TUB: variants seen among roughly 807,000 people sequenced by gnomAD.
The protein encoded by TUB is TUB bipartite transcription factor, also known as tubby protein homolog.
Under a neutral mutation model 59.7 loss-of-function variants are expected in TUB, and 33 were observed. The observed-to-expected ratio is 0.55, with a 90% CI of 0.42 to 0.74. The LOEUF is 0.74. Ranked by LOEUF, TUB falls within the 30% of genes least tolerant of loss-of-function variation. TUB has a pLI of 0.00. For synonymous variants in TUB, 293 were observed against 256.4 expected, an observed-to-expected ratio of 1.14 and a Z score of -1.36; for missense variants, 659 against 672.0, an observed-to-expected ratio of 0.98 and a Z score of 0.21.
rs1944040575 is a variant in TUB at position 8,097,311 on chromosome 11, G to A, written c.771G>A (p.Arg257=). The part of the protein sequence containing the change: ...EVQDLEEFAL[R]PAPQGITIKC... ...AGGATCTTGAGGAGTTTGCACTGAG[G>A]CCGGCCCCCCAGGGTATCACCATCA... The change falls in exon 7 of 12, where the codon AGG becomes AGA. Residue 257 remains arginine, a synonymous_variant. Transcript: ENST00000299506. 1 of 1,614,168 alleles carries A rather than the reference G, an allele frequency of 6.2e-7. No homozygotes were observed. Among genetic ancestry groups the A allele is most frequent in the South Asian group, 1.1e-5 (1 of 91,084 alleles).
chr11:8,100,033 C>T (rs1319392510), intron 9 of TUB, among the ~76,000 whole-genome samples: 1 of 152,152 alleles, frequency 6.6e-6, no homozygotes, highest in Non-Finnish European at 1.5e-5. Flanking sequence ...TGTGCCTGAG[C>T]ACTGGCTGCT....
At chr11:8,049,380 G>A (rs1003971898) in intron 2 of TUB, among the ~76,000 whole-genome samples, 11 of 152,076 alleles carry the variant, frequency 7.2e-5, no homozygotes, top group Admixed American at 2.6e-4. Flanking sequence ...GTCATTGAGA[G>A]TAGGGCCCAA....
chr11:8,026,900 ATATATT>A (rs1469583382), intron 1 of TUB, among the ~76,000 whole-genome samples: 1 of 152,144 alleles, frequency 6.6e-6, no homozygotes, highest in East Asian at 1.9e-4. Flanking sequence ...CATGGTATCT[ATATATT>A]TATATCTGTT....
intron 7 of TUB, 93 bp from the exon 8 acceptor site, chr11:8,097,621 T>A: frequency 2.3e-6 from 3 of 1,329,032 alleles, no homozygotes; most frequent in Non-Finnish European, 3.2e-6. Context: ...GTTTGGGAGC[T>A]GACGCAACGG....
In TUB at chr11:8,103,520, C is replaced by T. The variant is rs1181615945; in HGVS notation, c.*1901C>T. The T allele has an allele frequency of 6.6e-6, 1 of 152,590 alleles. No homozygotes were observed. Among genetic ancestry groups the T allele is most frequent in the African/African-American group, 2.4e-5 (1 of 41,422 alleles). 9.5% of individuals were successfully genotyped at this position (152,590 alleles called of 1,614,324 possible). A position where few individuals can be genotyped will look rare whatever the true frequency, so the allele number is the denominator to read the frequency against. On this transcript the variant is annotated 3_prime_UTR_variant, in exon 12 of 12. Transcript: ENST00000299506. ...ATTTTCCTATGTTGAATGCTTAAAG[C>T]AAGGCATACCTGTCCTAGCAGGATC...
At chr11:8,099,302 C>T (rs1006964727) in intron 9 of TUB, among the ~76,000 whole-genome samples, 1 of 152,138 alleles carries the variant, frequency 6.6e-6, no homozygotes, top group African/African-American at 2.4e-5. Flanking sequence ...GAAACTGAAG[C>T]TCAGCTGCAG....
Position 8,101,846 on chromosome 11 carries a change from T to C in TUB, c.*227T>C, listed in dbSNP as rs1944322035. 1 of 503,056 alleles carries C rather than the reference T, an allele frequency of 2.0e-6. No individual in the cohort carries two copies. Among genetic ancestry groups the C allele is most frequent in the South Asian group, 3.5e-5 (1 of 28,570 alleles). 31.2% of individuals were successfully genotyped at this position (503,056 alleles called of 1,614,324 possible). On this transcript the variant is annotated 3_prime_UTR_variant, in exon 12 of 12. Transcript: ENST00000299506. ...GGTGGGTGTGAAGGGATGAGAATAA[T>C]TCTTTCCATGCCACGAGATCAACAC...
At chr11:8,023,229 G>C (rs1245222566) in intron 1 of TUB, among the ~76,000 whole-genome samples, 3 of 152,180 alleles carry the variant, frequency 2.0e-5, no homozygotes, top group Non-Finnish European at 4.4e-5. Flanking sequence ...TTTAGAACTT[G>C]CACATCACTC....
At chr11:8,019,780 CT>C (rs1942392893) in intron 1 of TUB, among the ~76,000 whole-genome samples, 1 of 151,770 alleles carries the variant, frequency 6.6e-6, no homozygotes, top group Non-Finnish European at 1.5e-5. Flanking sequence ...CCGCCGGCGT[CT>C]GCGCCCCGCC....
At chr11:8,066,706 C>T (rs561745680) in intron 2 of TUB, among the ~76,000 whole-genome samples, 28 of 152,294 alleles carry the variant, frequency 1.8e-4, no homozygotes, top group African/African-American at 5.5e-4. Context: ...ACTCCTCCTG[C>T]CCTCTTCAGA....
chr11:8,042,560 C>A (rs1193840289), intron 2 of TUB, among the ~76,000 whole-genome samples: 1 of 152,196 alleles, frequency 6.6e-6, no homozygotes, highest in East Asian at 1.9e-4. Flanking sequence ...TTTTACATCC[C>A]CACCAGTAGT....
intron 2 of TUB, among the ~76,000 whole-genome samples, chr11:8,059,695 G>A (rs919220680): frequency 2.0e-5 from 3 of 152,204 alleles, no homozygotes; most frequent in Admixed American, 1.3e-4. Flanking sequence ...GAGCAAGGCA[G>A]GAGAGGGGTC....
chr11:8,066,292 T>A (rs2133786524), intron 2 of TUB, among the ~76,000 whole-genome samples: 1 of 152,258 alleles, frequency 6.6e-6, no homozygotes, highest in Admixed American at 6.5e-5. Flanking sequence ...GCAGGAGCGT[T>A]ACCAGAGGCA....
At position 8,102,676 on chromosome 11, in the gene TUB, T is replaced by C. The variant is rs1460749158; in HGVS notation, c.*1057T>C. ...AGTCATGGTTGGTAACCATGTAGGTTCTTGGGAGGGAATGGGACAGGGTGA... is the reference window on the plus strand; with the variant it reads ...AGTCATGGTTGGTAACCATGTAGGTCCTTGGGAGGGAATGGGACAGGGTGA... On this transcript the variant is annotated 3_prime_UTR_variant, in exon 12 of 12. Transcript: ENST00000299506. 3 of 152,122 alleles carry C rather than the reference T, an allele frequency of 2.0e-5. No homozygotes were observed. The highest frequency in any genetic ancestry group is 4.4e-5 in the Non-Finnish European group (3 of 68,040). 9.4% of individuals were successfully genotyped at this position (152,122 alleles called of 1,614,324 possible).
At chr11:8,079,882 G>A (rs923148494), upstream of TUB, among the ~76,000 whole-genome samples, 1 of 152,200 alleles carries the variant, frequency 6.6e-6, no homozygotes, top group Non-Finnish European at 1.5e-5. Context: ...GCTGTGAAAT[G>A]GGTATGCTAA....
intron 2 of TUB, among the ~76,000 whole-genome samples, chr11:8,054,802 T>C (rs1416545627): frequency 6.6e-6 from 1 of 152,216 alleles, no homozygotes; most frequent in East Asian, 1.9e-4. Flanking sequence ...TGTTCCTGTG[T>C]TACTGTCACT....
chr11:8,089,264 G>A (rs1408132478), intron 1 of TUB, among the ~76,000 whole-genome samples: 1 of 152,174 alleles, frequency 6.6e-6, no homozygotes, highest in Admixed American at 6.5e-5. Context: ...CTGGCCTCGG[G>A]CCTGGCTTGT....
intron 1 of TUB, among the ~76,000 whole-genome samples, chr11:8,022,922 C>T (rs539871308): frequency 6.6e-6 from 1 of 152,200 alleles, no homozygotes; most frequent in South Asian, 2.1e-4. Flanking sequence ...AAACAAAAAA[C>T]ACACAAACAA....
chr11:8,032,911 C>T (rs564749114), intron 1 of TUB, among the ~76,000 whole-genome samples: 5 of 152,314 alleles, frequency 3.3e-5, no homozygotes, highest in South Asian at 2.1e-4. Context: ...AGTTAACTGC[C>T]GATGAGCACA....
Sources: gnomAD v4.1 joint callset for allele counts (sites outside exome capture counted in the v4.1 genomes callset) on GRCh38, gnomAD v4.1.1 for gene constraint, MANE v1.5 for transcripts, NCBI Gene and HGNC (gene_info 2026-07-23, HGNC 2026-07-21) for gene names.